LRRFIP1: variants seen among roughly 807,000 people sequenced by gnomAD.
LRRFIP1 encodes LRR binding FLII interacting protein 1, also known as leucine-rich repeat flightless-interacting protein 1.
Under a neutral mutation model 104.4 loss-of-function variants are expected in LRRFIP1, and 62 were observed. The observed-to-expected ratio is 0.59, with a 90% CI of 0.48 to 0.73. LRRFIP1 has a LOEUF of 0.73. Among genes scored for constraint, LRRFIP1 ranks in the 30% least tolerant of loss-of-function variants. The pLI is 0.00. For missense variants in LRRFIP1, 796 were observed against 824.5 expected, an observed-to-expected ratio of 0.97 and a Z score of 0.42; for synonymous variants, 300 against 299.0, an observed-to-expected ratio of 1.00 and a Z score of -0.03.
At position 237,779,029 on chromosome 2, in the gene LRRFIP1, C is replaced by T. The variant is rs1187693840; in HGVS notation, c.1813-393C>T. Among the ~76,000 whole-genome samples, 9 of 152,196 alleles carry T rather than the reference C, an allele frequency of 5.9e-5. No homozygotes were observed. The East Asian group carries it at 1.5e-3, about 26-fold the overall frequency. The stretch of plus-strand genomic sequence containing the variant: ...ACGAGGTCAGGAGATCGAGACCATC[C>T]TGGCCAACATGGCAAAACCCCGTCT... On this transcript the variant is annotated intron_variant, in intron 23 of 23. Transcript: ENST00000308482.
intron 9 of LRRFIP1, among the ~76,000 whole-genome samples, chr2:237,734,718 C>T (rs1451398419): frequency 6.6e-6 from 1 of 152,174 alleles, no homozygotes; most frequent in Non-Finnish European, 1.5e-5. Flanking sequence ...TTTGACATCA[C>T]CATTTGTGGC....
chr2:237,631,867 C>G (rs966234715), intron 1 of LRRFIP1, among the ~76,000 whole-genome samples: 1 of 152,248 alleles, frequency 6.6e-6, no homozygotes, highest in African/African-American at 2.4e-5. Flanking sequence ...CCTGGTGGTG[C>G]CATAGGTACC....
At chr2:237,683,843 T>G (rs1382135545) in intron 1 of LRRFIP1, among the ~76,000 whole-genome samples, 1 of 152,362 alleles carries the variant, frequency 6.6e-6, no homozygotes, top group South Asian at 2.1e-4. Context: ...AGTTGCTTAG[T>G]GGCAGTGCTT....
chr2:237,724,242 C>T (rs1012951552), intron 7 of LRRFIP1, among the ~76,000 whole-genome samples: 1 of 152,168 alleles, frequency 6.6e-6, no homozygotes, highest in Admixed American at 6.5e-5. Context: ...CACAGCTCAG[C>T]ATTAAAGTGA....
rs1420642616 is a variant in LRRFIP1, at chr2:237,663,589, G to A, written c.96+35849G>A. ...GGAAGTTAATTTCTGTTGTTTATAA[G>A]CCACCTAGTCTATGCCCTTCTGCTA... On this transcript the variant is annotated intron_variant, in intron 1 of 23. Transcript: ENST00000308482. Among the ~76,000 whole-genome samples the A allele has an allele frequency of 8.5e-5, 13 of 152,332 alleles. No individual in the cohort carries two copies. The South Asian group carries it at 2.5e-3, about 29-fold the overall frequency.
chr2:237,776,752 G>C (rs61084569), intron 23 of LRRFIP1, among the ~76,000 whole-genome samples: 50,152 of 151,974 alleles, frequency 0.33, 9,191 homozygotes, highest in East Asian at 0.54. Flanking sequence ...TCTGATTTTT[G>C]CATCCCTTGG....
chr2:237,774,258 C>T (rs1018277457), intron 22 of LRRFIP1, 100 bp from the exon 23 acceptor site: 7 of 712,772 alleles, frequency 9.8e-6, no homozygotes, highest in African/African-American at 9.0e-5. Flanking sequence ...GTGTATTCTC[C>T]CATTTTATTA....
At chr2:237,757,066 T>G (rs993992730) in intron 16 of LRRFIP1, among the ~76,000 whole-genome samples, 3 of 151,580 alleles carry the variant, frequency 2.0e-5, no homozygotes, top group Non-Finnish European at 4.4e-5. Context: ...AAGGCTTGAT[T>G]TTAGCCCATA....
At chr2:237,629,892 T>A (rs1385788486) in intron 1 of LRRFIP1, among the ~76,000 whole-genome samples, 1 of 152,116 alleles carries the variant, frequency 6.6e-6, no homozygotes, top group Non-Finnish European at 1.5e-5. Context: ...GAGATAGACT[T>A]GTGAGTCAGA....
chr2:237,707,318 A>G (rs1559612448), intron 1 of LRRFIP1, among the ~76,000 whole-genome samples: 1 of 151,158 alleles, frequency 6.6e-6, no homozygotes. Context: ...CTGTAGTCCC[A>G]GCTACTCAGG....
At chr2:237,657,726 T>G (rs2087080997) in intron 1 of LRRFIP1, among the ~76,000 whole-genome samples, 1 of 152,174 alleles carries the variant, frequency 6.6e-6, no homozygotes, top group Admixed American at 6.5e-5. Flanking sequence ...TGTAAAAAAA[T>G]GAAATTCCAT....
intron 1 of LRRFIP1, among the ~76,000 whole-genome samples, chr2:237,660,183 G>A (rs575555402): frequency 2.2e-4 from 34 of 152,288 alleles, no homozygotes; most frequent in African/African-American, 7.5e-4. Flanking sequence ...TACGCGAGAA[G>A]GCAAAAGAAA....
At chr2:237,636,881 G>A (rs1424897779) in intron 1 of LRRFIP1, among the ~76,000 whole-genome samples, 1 of 152,228 alleles carries the variant, frequency 6.6e-6, no homozygotes, top group East Asian at 1.9e-4. Context: ...TGACCACCAT[G>A]TCAGTGTTAG....
chr2:237,690,772 TAAC>T (rs1243340235), intron 1 of LRRFIP1, among the ~76,000 whole-genome samples: 3 of 151,896 alleles, frequency 2.0e-5, no homozygotes, highest in Non-Finnish European at 4.4e-5. Context: ...AGAATTGTTA[TAAC>T]AACATTTAAA....
intron 2 of LRRFIP1, among the ~76,000 whole-genome samples, chr2:237,709,326 C>T (rs1292893463): frequency 1.3e-5 from 2 of 152,214 alleles, no homozygotes; most frequent in African/African-American, 4.8e-5. Context: ...GAGACCCCCA[C>T]TCAGTCCATG....
At chr2:237,679,122 A>G (rs1451700931) in intron 1 of LRRFIP1, among the ~76,000 whole-genome samples, 1 of 152,232 alleles carries the variant, frequency 6.6e-6, no homozygotes, top group African/African-American at 2.4e-5. Flanking sequence ...TGACTTAAGT[A>G]TTATTCCTTC....
rs531625085 is a variant in LRRFIP1 at position 237,750,498 on chromosome 2, G to A, written c.796-702G>A. Among the ~76,000 whole-genome samples the A allele has an allele frequency of 4.0e-5, 6 of 151,722 alleles. No individual in the cohort carries two copies. The South Asian group carries it at 1.0e-3, about 26-fold the overall frequency. On this transcript the variant is annotated intron_variant, in intron 13 of 23. Coordinates refer to ENST00000308482, the MANE Select transcript of LRRFIP1 (RefSeq NM_001137550.2). ...ATTACAGGCGCCCGCCACCATGCCC[G>A]GCTAACTTTTGTATTTTTAGTGGAG...
intron 13 of LRRFIP1, among the ~76,000 whole-genome samples, chr2:237,750,707 G>A (rs764013519): frequency 5.9e-5 from 9 of 152,142 alleles, no homozygotes; most frequent in Non-Finnish European, 1.0e-4. Flanking sequence ...CTTAGGTTGC[G>A]CGTGCCGTTC....
In LRRFIP1 at chr2:237,630,648, G is replaced by A. The variant is rs190361192; in HGVS notation, c.96+2908G>A. On this transcript the variant is annotated intron_variant, in intron 1 of 23. Transcript: ENST00000308482. ...ATGTACCAGTCAAGATGCTTTGGCTGCTGGGACAGAAACCCTGACTGGACT... is the reference window on the plus strand; with the variant it reads ...ATGTACCAGTCAAGATGCTTTGGCTACTGGGACAGAAACCCTGACTGGACT... Among the ~76,000 whole-genome samples the A allele has an allele frequency of 5.1e-4, 78 of 152,356 alleles. 1 individual carries two copies. Among genetic ancestry groups the A allele is most frequent in the African/African-American group, 1.7e-3 (69 of 41,586 alleles).
Sources: gnomAD v4.1 joint callset for allele counts (sites outside exome capture counted in the v4.1 genomes callset) on GRCh38, gnomAD v4.1.1 for gene constraint, MANE v1.5 for transcripts, NCBI Gene and HGNC (gene_info 2026-07-23, HGNC 2026-07-21) for gene names.